Variants in RNF121 observed in about 807,000 individuals in gnomAD.
The protein encoded by RNF121 is E3 ubiquitin ligase RNF121.
Under a neutral mutation model 46.5 loss-of-function variants are expected in RNF121, and 21 were observed. The ratio of observed to expected loss-of-function variants is 0.45; its 90% CI spans 0.32 to 0.65. RNF121 has a LOEUF of 0.65. Ranked by LOEUF, RNF121 falls within the 30% of genes least tolerant of loss-of-function variation. RNF121 has a pLI of 0.04. For missense variants in RNF121, 346 were observed against 416.0 expected (o/e 0.83, Z 1.46); for synonymous variants, 139 against 144.7 (o/e 0.96, Z 0.28).
At chr11:71,964,795 A>C (rs1458633775) in intron 3 of RNF121, among the ~76,000 whole-genome samples, 1 of 152,116 alleles carries the variant, frequency 6.6e-6, no homozygotes, top group Non-Finnish European at 1.5e-5. Context: ...GCTGTGTTTT[A>C]GTACAAGTTA....
intron 2 of RNF121, among the ~76,000 whole-genome samples, chr11:71,959,348 C>T (rs570151719): frequency 6.6e-6 from 1 of 151,386 alleles, no homozygotes. Context: ...TTTATACTTA[C>T]CACCTGGGTT....
At chr11:71,969,046 C>T (rs995866725) in intron 3 of RNF121, among the ~76,000 whole-genome samples, 3 of 151,810 alleles carry the variant, frequency 2.0e-5, no homozygotes, top group African/African-American at 4.8e-5. Context: ...CCACCATGCC[C>T]GGCTAATTTT....
intron 5 of RNF121, 152 bp downstream of exon 5, chr11:71,987,263 T>C: frequency 3.3e-6 from 2 of 604,756 alleles, no homozygotes; most frequent in Non-Finnish European, 5.9e-6. Flanking sequence ...GAAGACAGGC[T>C]CTCCATGATT....
chr11:71,993,369 A>G (rs532965958), intron 6 of RNF121, among the ~76,000 whole-genome samples: 2 of 152,322 alleles, frequency 1.3e-5, no homozygotes, highest in East Asian at 1.9e-4. Flanking sequence ...GCAGTAACTC[A>G]TTACCCCTTC....
At chr11:71,984,966 G>T (rs1365702793) in intron 4 of RNF121, among the ~76,000 whole-genome samples, 1 of 151,870 alleles carries the variant, frequency 6.6e-6, no homozygotes, top group Non-Finnish European at 1.5e-5. Flanking sequence ...CTGTCGCCCA[G>T]GCTAGAGTGC....
chr11:71,973,388 G>A lies in RNF121; in HGVS notation c.244-9373G>A, dbSNP rs147067176. Among the ~76,000 whole-genome samples the A allele has an allele frequency of 3.4e-3, 511 of 152,296 alleles. 7 individuals are homozygous for A. The highest frequency in any genetic ancestry group is 0.011 in the African/African-American group (462 of 41,566). On this transcript the variant is annotated intron_variant, in intron 3 of 8. Coordinates refer to ENST00000361756, the MANE Select transcript of RNF121 (RefSeq NM_018320.5). Reference sequence around the variant, plus strand: ...GGCCTGTAGTCCCAGCTACTTAGGAGGTTGAGATGGGAGGATCACTTGAGC... The same window carrying A: ...GGCCTGTAGTCCCAGCTACTTAGGAAGTTGAGATGGGAGGATCACTTGAGC...
At chr11:71,933,540 TG>T (rs1953327122) in intron 1 of RNF121, among the ~76,000 whole-genome samples, 1 of 152,212 alleles carries the variant, frequency 6.6e-6, no homozygotes, top group Non-Finnish European at 1.5e-5. Flanking sequence ...TGAAGCCTTG[TG>T]GTCCTTGAAT....
intron 3 of RNF121, among the ~76,000 whole-genome samples, chr11:71,973,012 C>T (rs1219737627): frequency 6.6e-6 from 1 of 151,982 alleles, no homozygotes; most frequent in African/African-American, 2.4e-5. Context: ...CATGGAGAAA[C>T]CTTGTCTCTA....
Position 71,946,397 on chromosome 11 carries a change from T to C in RNF121, c.64-10830T>C, listed in dbSNP as rs141734424. Reference sequence around the variant, plus strand: ...AGATCACATACTCAATGAATGAATTTATTTATTTATTTTTGAGATAAGGTC... The same window carrying C: ...AGATCACATACTCAATGAATGAATTCATTTATTTATTTTTGAGATAAGGTC... On this transcript the variant is annotated intron_variant, in intron 1 of 8. Coordinates refer to ENST00000361756, the MANE Select transcript of RNF121 (RefSeq NM_018320.5). Among the ~76,000 whole-genome samples, 9 of 152,300 alleles carry C rather than the reference T, an allele frequency of 5.9e-5. No individual in the cohort carries two copies. In the East Asian group the frequency reaches 1.7e-3, roughly 29 times the overall value.
At chr11:71,996,128 C>T (rs1192056938) in intron 8 of RNF121, 67 bp from the exon 9 acceptor site, 5 of 1,589,550 alleles carry the variant, frequency 3.1e-6, no homozygotes, top group African/African-American at 1.3e-5. Flanking sequence ...CAGGGAGCCC[C>T]ACCACCCATG....
intron 1 of RNF121, among the ~76,000 whole-genome samples, chr11:71,948,331 C>T (rs1953774725): frequency 6.6e-6 from 1 of 151,942 alleles, no homozygotes; most frequent in Non-Finnish European, 1.5e-5. Context: ...GCCTTGTCAA[C>T]GTGGTGAAAC....
chr11:71,962,384 C>A, intron 3 of RNF121: 2 of 713,544 alleles, frequency 2.8e-6, no homozygotes, highest in Non-Finnish European at 3.4e-6. Flanking sequence ...AGGAAAAACT[C>A]AATCTGGGAA....
At chr11:71,988,807 G>C (rs1954815275) in intron 5 of RNF121, among the ~76,000 whole-genome samples, 1 of 151,968 alleles carries the variant, frequency 6.6e-6, no homozygotes, top group Non-Finnish European at 1.5e-5. Context: ...AGGTGACAAA[G>C]GGAGACCCCC....
chr11:71,963,617 C>T (rs949703755), intron 3 of RNF121, among the ~76,000 whole-genome samples: 1 of 150,534 alleles, frequency 6.6e-6, no homozygotes, highest in African/African-American at 2.5e-5. Flanking sequence ...AGACTCCTTC[C>T]CAAAAAAAAA....
At chr11:71,989,546 G>T (rs1214662774) in intron 5 of RNF121, among the ~76,000 whole-genome samples, 1 of 152,120 alleles carries the variant, frequency 6.6e-6, no homozygotes, top group African/African-American at 2.4e-5. Flanking sequence ...AATATTCAGG[G>T]TTCATAAGCA....
At chr11:71,988,870 C>T (rs1954816499) in intron 5 of RNF121, among the ~76,000 whole-genome samples, 1 of 151,950 alleles carries the variant, frequency 6.6e-6, no homozygotes, top group Non-Finnish European at 1.5e-5. Flanking sequence ...TGAGAGTGCA[C>T]TCATGAAATT....
At chr11:71,976,424 C>T (rs1267659752) in intron 3 of RNF121, among the ~76,000 whole-genome samples, 3 of 136,292 alleles carry the variant, frequency 2.2e-5, no homozygotes, top group East Asian at 2.3e-4. Context: ...GGCACAATCT[C>T]GGCTCACGGC....
intron 1 of RNF121, among the ~76,000 whole-genome samples, chr11:71,937,994 G>A (rs1231021197): frequency 2.6e-5 from 4 of 152,204 alleles, no homozygotes; most frequent in Non-Finnish European, 5.9e-5. Flanking sequence ...CTGGATCATG[G>A]CCATGGGGCT....
chr11:71,938,314 A>ATTTTTTTTTT (rs71958930), intron 1 of RNF121, among the ~76,000 whole-genome samples: 6 of 94,916 alleles, frequency 6.3e-5, no homozygotes, highest in Non-Finnish European at 7.9e-5. Context: ...TAGTCTCTTA[A>ATTTTTTTTTT]TTTTTTTTTT....
Sources: allele counts gnomAD v4.1 joint callset (sites outside exome capture counted in the v4.1 genomes callset), GRCh38; gene constraint gnomAD v4.1.1; transcripts MANE v1.5; gene names NCBI Gene and HGNC (gene_info 2026-07-23, HGNC 2026-07-21).